Variants in KHDRBS2 observed in about 807,000 individuals in gnomAD.
The protein encoded by KHDRBS2 is KH domain-containing, RNA-binding, signal transduction-associated protein 2.
A neutral mutation model predicts 44.3 loss-of-function variants in KHDRBS2; 26 were observed. The observed-to-expected ratio is 0.59, with a 90% confidence interval of 0.43 to 0.81. KHDRBS2 has a LOEUF of 0.81. Among genes scored for constraint, KHDRBS2 ranks in the 40% least tolerant of loss-of-function variants. The probability of loss-of-function intolerance (pLI) is 0.00; values close to 1 mark genes in which losing one functional copy is unlikely to be tolerated. For synonymous variants in KHDRBS2, 194 were observed against 151.1 expected (o/e 1.28, Z -2.08); for missense variants, 476 against 433.1 (o/e 1.10, Z -0.88).
chr6:61,556,343 A>AT, the KHDRBS2 span, among the ~76,000 whole-genome samples: 3 of 152,138 alleles, frequency 2.0e-5, no homozygotes, highest in Non-Finnish European at 2.9e-5. Context: ...GAAAAATCAC[A>AT]TTTTTTTAAT....
chr6:62,129,995 G>A (rs1259310577), intron 2 of KHDRBS2, among the ~76,000 whole-genome samples: 1 of 152,132 alleles, frequency 6.6e-6, no homozygotes, highest in Non-Finnish European at 1.5e-5. Context: ...TCTTCTACTG[G>A]ACACGTATTT....
intron 6 of KHDRBS2, among the ~76,000 whole-genome samples, chr6:61,861,001 G>A (rs140752886): frequency 1.3e-5 from 2 of 151,932 alleles, no homozygotes; most frequent in African/African-American, 4.8e-5. Context: ...TATGTTTGTT[G>A]TCTGCATGTA....
chr6:61,938,834 G>A (rs4710569), intron 4 of KHDRBS2, among the ~76,000 whole-genome samples: 60,178 of 151,934 alleles, frequency 0.4, 12,082 homozygotes, highest in East Asian at 0.47. Context: ...TGTTGATCTC[G>A]TGGTTCTATA....
At chr6:61,571,491 T>C in the KHDRBS2 span, among the ~76,000 whole-genome samples, 1 of 149,020 alleles carries the variant, frequency 6.7e-6, no homozygotes, top group Non-Finnish European at 1.5e-5. Flanking sequence ...GATATTCCAC[T>C]GACAGCAATA....
chr6:61,891,371 C>A (rs972691392), intron 6 of KHDRBS2, among the ~76,000 whole-genome samples: 26 of 152,184 alleles, frequency 1.7e-4, no homozygotes, highest in African/African-American at 5.8e-4. Flanking sequence ...CGATGTTCAT[C>A]AGGGATATTG....
chr6:61,929,816 G>A (rs1366564702), intron 4 of KHDRBS2, among the ~76,000 whole-genome samples: 2 of 152,084 alleles, frequency 1.3e-5, no homozygotes, highest in South Asian at 4.1e-4. Flanking sequence ...ATTCAAAATT[G>A]TTAGATGAAG....
the KHDRBS2 span, among the ~76,000 whole-genome samples, chr6:61,662,730 C>T: frequency 9.1e-4 from 138 of 151,914 alleles, no homozygotes; most frequent in Non-Finnish European, 1.5e-3. Flanking sequence ...GAATGGCGAT[C>T]ATTAAAAAGT....
intron 4 of KHDRBS2, among the ~76,000 whole-genome samples, chr6:61,907,726 C>A (rs893829803): frequency 8.5e-5 from 13 of 152,120 alleles, no homozygotes; most frequent in African/African-American, 3.1e-4. Context: ...AGAACATATA[C>A]AATTTTCTAA....
the KHDRBS2 span, among the ~76,000 whole-genome samples, chr6:61,594,286 A>G: frequency 6.6e-6 from 1 of 152,236 alleles, no homozygotes; most frequent in South Asian, 2.1e-4. Context: ...TCATCAGTTC[A>G]GTCCCACATA....
At chr6:61,674,415 T>A in the KHDRBS2 span, among the ~76,000 whole-genome samples, 1 of 151,744 alleles carries the variant, frequency 6.6e-6, no homozygotes, top group Non-Finnish European at 1.5e-5. Flanking sequence ...TTGTTTTAAA[T>A]TTTGGCTTTG....
intron 7 of KHDRBS2, among the ~76,000 whole-genome samples, chr6:61,708,305 T>C (rs1269860039): frequency 6.6e-6 from 1 of 151,576 alleles, no homozygotes; most frequent in Non-Finnish European, 1.5e-5. Context: ...AGCAGAAATA[T>C]CTCAACAATT....
intron 2 of KHDRBS2, among the ~76,000 whole-genome samples, chr6:62,071,083 T>C (rs192554520): frequency 7.5e-4 from 114 of 152,332 alleles, no homozygotes; most frequent in African/African-American, 2.5e-3. Context: ...ATTTCTCTGA[T>C]GGCAAGTGAT....
chr6:61,763,180 G>C (rs1311272378), intron 6 of KHDRBS2, among the ~76,000 whole-genome samples: 1 of 152,158 alleles, frequency 6.6e-6, no homozygotes, highest in Admixed American at 6.5e-5. Flanking sequence ...TGCTAGACGT[G>C]GGGAGTGGAA....
chr6:61,655,837 A>G, the KHDRBS2 span, among the ~76,000 whole-genome samples: 1 of 152,072 alleles, frequency 6.6e-6, no homozygotes, highest in African/African-American at 2.4e-5. Flanking sequence ...ATTTGCCTAA[A>G]TAACTATGTT....
At chr6:61,653,606 TGAGAGACA>T in the KHDRBS2 span, among the ~76,000 whole-genome samples, 1 of 82,230 alleles carries the variant, frequency 1.2e-5, no homozygotes, top group African/African-American at 5.4e-5. Flanking sequence ...AATGTGAAAC[TGAGAGACA>T]GAGAGAGAGA....
At chr6:61,957,509 G>T (rs1259623863) in intron 4 of KHDRBS2, among the ~76,000 whole-genome samples, 1 of 151,996 alleles carries the variant, frequency 6.6e-6, no homozygotes, top group African/African-American at 2.4e-5. Context: ...GGCTGCTTTG[G>T]GGGTGGCTGT....
At position 61,814,767 on chromosome 6, in the gene KHDRBS2, G is replaced by A. The variant is rs572423144; in HGVS notation, c.810+79868C>T. Among the ~76,000 whole-genome samples the A allele has an allele frequency of 7.2e-5, 11 of 152,142 alleles. No individual in the cohort carries two copies. In the East Asian group the frequency reaches 2.1e-3, roughly 30 times the overall value. On this transcript the variant is annotated intron_variant, in intron 6 of 8. Coordinates refer to ENST00000281156, the MANE Select transcript of KHDRBS2 (RefSeq NM_152688.4). ...TACAGTAGTCTCCCCTTATCTGCTG[G>A]GGATATGATCCAAGATCCCCAGCAG...
At chr6:61,987,993 G>T (rs1775385672) in intron 3 of KHDRBS2, among the ~76,000 whole-genome samples, 2 of 152,098 alleles carry the variant, frequency 1.3e-5, no homozygotes, top group African/African-American at 2.4e-5. Context: ...AGCATCAAAA[G>T]AACCAAGGGT....
intron 1 of KHDRBS2, among the ~76,000 whole-genome samples, chr6:62,252,106 G>A (rs1422242997): frequency 1.3e-5 from 2 of 151,702 alleles, no homozygotes; most frequent in Non-Finnish European, 2.9e-5. Flanking sequence ...TTTTAGAAAT[G>A]TGTTCCTTCC....
Sources: allele counts gnomAD v4.1 joint callset (sites outside exome capture counted in the v4.1 genomes callset), GRCh38; gene constraint gnomAD v4.1.1; transcripts MANE v1.5; gene names NCBI Gene and HGNC (gene_info 2026-07-23, HGNC 2026-07-21).